Variants in TRPM3 observed in about 807,000 individuals in gnomAD.
The protein encoded by TRPM3 is long transient receptor potential channel 3.
Under a neutral mutation model 181.2 loss-of-function variants are expected in TRPM3, and 77 were observed. The ratio of observed to expected loss-of-function variants is 0.42; its 90% CI spans 0.35 to 0.51. TRPM3 has a LOEUF of 0.51. TRPM3 is among the 20% of genes least tolerant of loss of function. The pLI is 0.01. For synonymous variants in TRPM3, 745 were observed against 796.4 expected (o/e 0.94, Z 1.09); for missense variants, 1,759 against 2,196.7 (o/e 0.80, Z 3.98).
intron 6 of TRPM3, among the ~76,000 whole-genome samples, chr9:70,787,763 C>CTTTTTTTTTTTTTTTTTTTTGGT (rs2084054300): frequency 1.8e-4 from 12 of 68,556 alleles, no homozygotes; most frequent in East Asian, 6.0e-4. Flanking sequence ...TTTTTGGATT[C>CTTTTTTTTTTTTTTTTTTTTGGT]TTTTTTTTTT....
At chr9:70,981,093 C>A (rs12347831) in intron 1 of TRPM3, among the ~76,000 whole-genome samples, 42,055 of 152,080 alleles carry the variant, frequency 0.28, 5,862 homozygotes, top group East Asian at 0.37. Context: ...AGCTTTGATT[C>A]ATTTATAGCC....
At chr9:71,159,178 T>C (rs779800405) in intron 1 of TRPM3, among the ~76,000 whole-genome samples, 10 of 152,078 alleles carry the variant, frequency 6.6e-5, no homozygotes, top group Non-Finnish European at 1.0e-4. Context: ...TTTTACGGTG[T>C]GTGTGTGGGT....
At chr9:71,236,105 A>T (rs1588082087) in intron 1 of TRPM3, among the ~76,000 whole-genome samples, 2 of 152,328 alleles carry the variant, frequency 1.3e-5, no homozygotes, top group East Asian at 3.9e-4. Context: ...GGCATAACCT[A>T]CAAAAACCAC....
At position 70,537,219 on chromosome 9, in the gene TRPM3, C is replaced by G. The variant is rs188521068; in HGVS notation, c.3894G>C (p.Ser1298=). The part of the protein sequence containing the change: ...AESNKIRSRT[S]SDCTDAAYIV... ...TGTAGGCGGCGTCCGTGCAGTCTGA[C>G]GAGGTCCTCGAGCGGATTTTGTTGG... Residue 1298 remains serine, a synonymous_variant, in exon 26 of 26, where the codon TCG becomes TCC. Coordinates refer to ENST00000677713, the MANE Select transcript of TRPM3 (RefSeq NM_001366145.2). The G allele has an allele frequency of 6.3e-7, 1 of 1,597,100 alleles. No homozygotes were observed. The highest frequency in any genetic ancestry group is 1.7e-5 in the Admixed American group (1 of 59,104).
intron 1 of TRPM3, among the ~76,000 whole-genome samples, chr9:71,233,722 A>G (rs1269658933): frequency 6.6e-6 from 1 of 152,244 alleles, no homozygotes; most frequent in African/African-American, 2.4e-5. Context: ...AGCATTAGAA[A>G]GACTTCTAGA....
At chr9:70,899,502 T>C (rs2096350145) in intron 1 of TRPM3, among the ~76,000 whole-genome samples, 1 of 152,206 alleles carries the variant, frequency 6.6e-6, no homozygotes, top group South Asian at 2.1e-4. Flanking sequence ...CTCCAAACGT[T>C]GTGTCATAAC....
chr9:71,414,747 G>A (rs1445400997), intron 1 of TRPM3, among the ~76,000 whole-genome samples: 1 of 152,042 alleles, frequency 6.6e-6, no homozygotes, highest in African/African-American at 2.4e-5. Context: ...AGATTCGTAT[G>A]ATTATTGTGA....
chr9:71,049,721 G>A (rs1200007590), intron 1 of TRPM3, among the ~76,000 whole-genome samples: 2 of 152,114 alleles, frequency 1.3e-5, no homozygotes, highest in Middle Eastern at 3.2e-3. Flanking sequence ...TTTCTGCTGG[G>A]CTGCAACTCT....
chr9:70,945,437 C>A (rs2096923596), intron 1 of TRPM3, among the ~76,000 whole-genome samples: 1 of 152,154 alleles, frequency 6.6e-6, no homozygotes, highest in Admixed American at 6.5e-5. Flanking sequence ...CATCAGCTTT[C>A]TTGTCTGTAC....
intron 1 of TRPM3, among the ~76,000 whole-genome samples, chr9:70,972,492 T>G (rs953254604): frequency 1.3e-5 from 2 of 152,160 alleles, no homozygotes; most frequent in Non-Finnish European, 2.9e-5. Flanking sequence ...GGGGAATGAC[T>G]GCTAATGGGT....
chr9:71,358,030 A>G (rs369836856), intron 1 of TRPM3, among the ~76,000 whole-genome samples: 1 of 152,344 alleles, frequency 6.6e-6, no homozygotes. Flanking sequence ...AGTGAACAAT[A>G]TGGCGAGAGT....
At chr9:71,180,222 T>A (rs1343627298) in intron 1 of TRPM3, among the ~76,000 whole-genome samples, 4 of 151,898 alleles carry the variant, frequency 2.6e-5, no homozygotes, top group Admixed American at 2.6e-4. Flanking sequence ...ACCCAGCTAA[T>A]TTTTGTATTT....
At chr9:70,848,608 G>C (rs1005794679) in intron 3 of TRPM3, among the ~76,000 whole-genome samples, 1 of 152,160 alleles carries the variant, frequency 6.6e-6, no homozygotes, top group Admixed American at 6.5e-5. Context: ...CATGTACAAA[G>C]AATAGTCATT....
intron 7 of TRPM3, 105 bp downstream of exon 7, chr9:70,784,000 T>C (rs924314763): frequency 2.0e-6 from 3 of 1,492,582 alleles, no homozygotes; most frequent in African/African-American, 1.4e-5. Context: ...TCATAGCTTG[T>C]TTTGATTTGA....
intron 1 of TRPM3, among the ~76,000 whole-genome samples, chr9:71,226,036 A>AT (rs1183667584): frequency 6.7e-6 from 1 of 149,472 alleles, no homozygotes; most frequent in Non-Finnish European, 1.5e-5. Flanking sequence ...AAAAAAAAAA[A>AT]AAAATAGCAG....
chr9:70,781,543 C>G (rs949896122), intron 7 of TRPM3, among the ~76,000 whole-genome samples: 3 of 151,640 alleles, frequency 2.0e-5, no homozygotes, highest in South Asian at 2.1e-4. Context: ...AAAGAGGAAG[C>G]TGAAGACAAC....
At chr9:71,399,509 T>C (rs2093282993) in intron 1 of TRPM3, among the ~76,000 whole-genome samples, 1 of 149,332 alleles carries the variant, frequency 6.7e-6, no homozygotes, top group African/African-American at 2.5e-5. Flanking sequence ...TTCATTTTAC[T>C]CCTTATATTT....
chr9:71,229,999 A>T (rs2080943920), intron 1 of TRPM3, among the ~76,000 whole-genome samples: 1 of 152,174 alleles, frequency 6.6e-6, no homozygotes, highest in Non-Finnish European at 1.5e-5. Context: ...TGCACTATTC[A>T]AAGTGGCCAA....
Position 70,664,029 on chromosome 9 carries a change from T to C in TRPM3, c.1345+17477A>G, listed in dbSNP as rs149343292. ...TTTGAAGATTAAATAGATAATATTA[T>C]GTTATTAAGGCACTGTACAAATATT... On this transcript the variant is annotated intron_variant, in intron 9 of 25. Transcript: ENST00000677713. Among the ~76,000 whole-genome samples the C allele has an allele frequency of 5.8e-3, 877 of 152,350 alleles. 9 individuals are homozygous for C. Among genetic ancestry groups the C allele is most frequent in the African/African-American group, 0.02 (829 of 41,588 alleles).
Sources: gnomAD v4.1 joint callset for allele counts (sites outside exome capture counted in the v4.1 genomes callset) on GRCh38, gnomAD v4.1.1 for gene constraint, MANE v1.5 for transcripts, NCBI Gene and HGNC (gene_info 2026-07-23, HGNC 2026-07-21) for gene names.